ZNF483: variants seen among roughly 807,000 people sequenced by gnomAD.
ZNF483 encodes zinc finger protein HIT-10.
Under a neutral mutation model 28.6 loss-of-function variants are expected in ZNF483, and 9 were observed. That is an observed-to-expected ratio of 0.32 (90% CI 0.19 to 0.55). ZNF483 has a LOEUF of 0.55. Ranked by LOEUF, ZNF483 falls within the 20% of genes least tolerant of loss-of-function variation. ZNF483 has a pLI of 0.93. For missense variants in ZNF483, 675 were observed against 871.7 expected, an observed-to-expected ratio of 0.77 and a Z score of 2.84; for synonymous variants, 322 against 306.2, an observed-to-expected ratio of 1.05 and a Z score of -0.54.
exon 6 of ZNF483, chr9:111,576,466 T>A (rs781688267): frequency 6.2e-7 from 1 of 1,612,606 alleles, no homozygotes; most frequent in Non-Finnish European, 8.5e-7. Flanking sequence ...GACCAGAGGA[T>A]GGGGCCACTG....
At chr9:111,533,889 C>T (rs1827409799) in intron 4 of ZNF483, 24 bp downstream of exon 4, 1 of 1,583,458 alleles carries the variant, frequency 6.3e-7, no homozygotes, top group Non-Finnish European at 8.5e-7. Context: ...TTCTTCATTA[C>T]CTAGCGTTTA....
rs1229078526 is a variant in ZNF483, at chr9:111,548,916, C to A, written c.*5746C>A. Among the ~76,000 whole-genome samples the A allele has an allele frequency of 1.3e-5, 2 of 151,454 alleles. No individual in the cohort carries two copies. The highest frequency in any genetic ancestry group is 2.9e-5 in the Non-Finnish European group (2 of 67,918). On this transcript the variant is annotated 3_prime_UTR_variant, in exon 6 of 6. Transcript: ENST00000309235. The stretch of plus-strand genomic sequence containing the variant: ...CAATCAACAGTCTCACTGAGGATTT[C>A]TTTTATGTGATGATTTGCTTCTCTC...
At chr9:111,561,126 G>T (rs1828293518) in intron 5 of ZNF483, among the ~76,000 whole-genome samples, 1 of 59,976 alleles carries the variant, frequency 1.7e-5, no homozygotes, top group African/African-American at 1.0e-4. Flanking sequence ...GAGAGAGAGA[G>T]AGAGAGAGAG....
intron 5 of ZNF483, chr9:111,570,325 C>T (rs1828755541): frequency 1.4e-6 from 2 of 1,432,316 alleles, no homozygotes; most frequent in East Asian, 5.0e-5. Context: ...GTGCTTCTCC[C>T]CTTCCATTTC....
At position 111,534,307 on chromosome 9, in the gene ZNF483, T is replaced by C; in HGVS notation, c.675T>C (p.Val225=). 1 of 1,614,192 alleles carries C rather than the reference T, an allele frequency of 6.2e-7. No homozygotes were observed. The highest frequency in any genetic ancestry group is 1.1e-5 in the South Asian group (1 of 91,078). Residue 225 remains valine (V), a synonymous_variant, in exon 5 of 6, where the codon GTT becomes GTC. Coordinates refer to ENST00000309235, the MANE Select transcript of ZNF483 (RefSeq NM_133464.5). ...AGTTGATTTCCCAGCTAAAGTGGGT[T>C]GAATTGCCATGGCTGCTGGAAGAAG... is the stretch of plus-strand genomic sequence containing the variant. The part of the protein sequence containing the change: ...KLELISQLKW[V]ELPWLLEEVS...
At chr9:111,539,104 C>T (rs1375988910) in intron 5 of ZNF483, among the ~76,000 whole-genome samples, 3 of 106,510 alleles carry the variant, frequency 2.8e-5, no homozygotes, top group Non-Finnish European at 5.2e-5. Flanking sequence ...CAGAGCGAGA[C>T]TCCGTCTCAA....
Position 111,544,229 on chromosome 9 carries a change from A to C in ZNF483, c.*1059A>C, listed in dbSNP as rs973204026. On this transcript the variant is annotated 3_prime_UTR_variant, in exon 6 of 6. Transcript: ENST00000309235. Reference sequence around the variant, plus strand: ...TATTCTGGATGGATTTTGGTTTGCAAAAATTCTACTTTAAAACAATTTTGC... The same window carrying C: ...TATTCTGGATGGATTTTGGTTTGCACAAATTCTACTTTAAAACAATTTTGC... The C allele has an allele frequency of 1.0e-6, 1 of 985,422 alleles. No homozygotes were observed. Among genetic ancestry groups the C allele is most frequent in the Non-Finnish European group, 1.2e-6 (1 of 829,946 alleles). 61.0% of individuals were successfully genotyped at this position (985,422 alleles called of 1,614,324 possible).
Position 111,534,291 on chromosome 9 carries a change from C to A in ZNF483, c.659C>A (p.Ser220Tyr), listed in dbSNP as rs759118960. ...CCAGTTTCAAAATTAGAGTTGATTTCCCAGCTAAAGTGGGTTGAATTGCCA... is the reference window on the plus strand; with the variant it reads ...CCAGTTTCAAAATTAGAGTTGATTTACCAGCTAAAGTGGGTTGAATTGCCA... ...DFPVSKLELI[S>Y]QLKWVELPWL... The change falls in exon 5 of 6, where the codon TCC becomes TAC. Residue 220 changes from serine to tyrosine, a missense_variant. Coordinates refer to ENST00000309235, the MANE Select transcript of ZNF483 (RefSeq NM_133464.5). The A allele has an allele frequency of 1.6e-5, 26 of 1,613,902 alleles. No homozygotes were observed. The highest frequency in any genetic ancestry group is 1.5e-5 in the Non-Finnish European group (18 of 1,179,988).
intron 5 of ZNF483, among the ~76,000 whole-genome samples, chr9:111,576,028 T>A (rs1829038103): frequency 6.6e-6 from 1 of 151,902 alleles, no homozygotes; most frequent in Non-Finnish European, 1.5e-5. Flanking sequence ...GGTATGATGG[T>A]GCATGTCTGT....
chr9:111,555,871 C>T (rs1463776482), downstream of ZNF483, among the ~76,000 whole-genome samples: 1 of 152,286 alleles, frequency 6.6e-6, no homozygotes, highest in South Asian at 2.1e-4. Context: ...TGGTCCCTCG[C>T]AAATCTCATG....
chr9:111,572,442 TAGTC>T (rs1033845453), intron 5 of ZNF483, among the ~76,000 whole-genome samples: 7 of 151,962 alleles, frequency 4.6e-5, no homozygotes, highest in Non-Finnish European at 8.8e-5. Context: ...TAAAAAAAAT[TAGTC>T]AGGCGTGACG....
intron 5 of ZNF483, among the ~76,000 whole-genome samples, chr9:111,575,758 G>A (rs967236556): frequency 3.3e-5 from 5 of 152,006 alleles, no homozygotes; most frequent in South Asian, 4.2e-4. Context: ...AAAATGCATC[G>A]TAGACCTGAA....
At chr9:111,525,540 C>T (rs557368216) in intron 1 of ZNF483, among the ~76,000 whole-genome samples, 7 of 152,264 alleles carry the variant, frequency 4.6e-5, no homozygotes, top group Admixed American at 1.3e-4. Flanking sequence ...CCCGTTGTGG[C>T]AGGATGTTTA....
At chr9:111,564,823 T>TA (rs1828483460) in intron 5 of ZNF483, among the ~76,000 whole-genome samples, 1 of 151,834 alleles carries the variant, frequency 6.6e-6, no homozygotes, top group Non-Finnish European at 1.5e-5. Flanking sequence ...TAGGGCTTTT[T>TA]AAAAAAAGGT....
At chr9:111,570,069 G>C (rs1828741258) in intron 5 of ZNF483, 1 of 1,613,662 alleles carries the variant, frequency 6.2e-7, no homozygotes, top group Admixed American at 1.7e-5. Flanking sequence ...CAATTGGAAG[G>C]GGTGGCTCCG....
At position 111,543,765 on chromosome 9, in the gene ZNF483, C is replaced by CTTTTTTTTTCTTTTTTTTTT. The variant is rs1827733146; in HGVS notation, c.*604_*605insCTTTTTTTTTTTTTTTTTTT. Reference sequence around the variant, plus strand: ...CTATTCAGGATGCTGGACTTCTTTTCTTTTTTTTTTCTTTTTTTTTTTTCA... The same window carrying CTTTTTTTTTCTTTTTTTTTT: ...CTATTCAGGATGCTGGACTTCTTTTCTTTTTTTTTCTTTTTTTTTTTTTTTTTTTTCTTTTTTTTTTTTCA... On this transcript the variant is annotated 3_prime_UTR_variant, in exon 6 of 6. Coordinates refer to ENST00000309235, the MANE Select transcript of ZNF483 (RefSeq NM_133464.5). 1 of 733,518 alleles carries CTTTTTTTTTCTTTTTTTTTT rather than the reference C, an allele frequency of 1.4e-6. No homozygotes were observed. 45.4% of individuals were successfully genotyped at this position (733,518 alleles called of 1,614,324 possible). A position where few individuals can be genotyped will look rare whatever the true frequency, so the allele number is the denominator to read the frequency against.
At chr9:111,530,774 TATATATATATATATATATATATATATAC>T (rs1236742811) in intron 2 of ZNF483, 73 bp from the exon 3 acceptor site, 544 of 41,042 alleles carry the variant, frequency 0.013, 29 homozygotes, top group African/African-American at 0.061. Flanking sequence ...TATATATATA[TATATATATATATATATATATATATATAC>T]ATATATATAT....
exon 6 of ZNF483, chr9:111,576,628 G>A (rs768389250): frequency 1.0e-4 from 55 of 527,752 alleles, no homozygotes; most frequent in Non-Finnish European, 1.6e-4. Flanking sequence ...CTACTAGGAT[G>A]AGTTGTTTTA....
At chr9:111,574,692 C>G in intron 5 of ZNF483, 1 of 1,428,502 alleles carries the variant, frequency 7.0e-7, no homozygotes, top group Non-Finnish European at 9.7e-7. Flanking sequence ...TTCTCCTTGT[C>G]CAGCCTTGTG....
Sources: allele counts gnomAD v4.1 joint callset (sites outside exome capture counted in the v4.1 genomes callset), GRCh38; gene constraint gnomAD v4.1.1; transcripts MANE v1.5; gene names NCBI Gene and HGNC (gene_info 2026-07-23, HGNC 2026-07-21).